MINDY2: variants seen among roughly 807,000 people sequenced by gnomAD.
MINDY2 encodes MINDY lysine 48 deubiquitinase 2, also known as ubiquitin carboxyl-terminal hydrolase MINDY-2.
Under a neutral mutation model 68.2 loss-of-function variants are expected in MINDY2, and 52 were observed. That is an observed-to-expected ratio of 0.76 (90% CI 0.61 to 0.96). The LOEUF (loss-of-function observed/expected upper bound fraction) is 0.96, where lower values mean the gene tolerates loss of function less well. MINDY2 is among the 40% of genes least tolerant of loss of function. The pLI is 0.00. For synonymous variants in MINDY2, 372 were observed against 303.0 expected (o/e 1.23, Z -2.36); for missense variants, 881 against 773.4 (o/e 1.14, Z -1.65).
At chr15:58,797,976 T>A in intron 2 of MINDY2, among the ~76,000 whole-genome samples, 1 of 152,220 alleles carries the variant, frequency 6.6e-6, no homozygotes, top group East Asian at 1.9e-4. Context: ...GTTAATGTGC[T>A]GTCTCCATCT....
chr15:58,825,093 A>T (rs2141006482), intron 5 of MINDY2, among the ~76,000 whole-genome samples: 1 of 152,334 alleles, frequency 6.6e-6, no homozygotes, highest in South Asian at 2.1e-4. Flanking sequence ...ACTTGTTTCT[A>T]ATCTTTATTA....
intron 7 of MINDY2, 136 bp from the exon 8 acceptor site, chr15:58,851,635 C>A: frequency 1.5e-6 from 1 of 649,730 alleles, no homozygotes; most frequent in Non-Finnish European, 2.5e-6. Flanking sequence ...GAGACAGGGT[C>A]TTGCTATATT....
At chr15:58,832,806 T>G (rs12594276) in intron 6 of MINDY2, among the ~76,000 whole-genome samples, 38,902 of 151,884 alleles carry the variant, frequency 0.26, 5,458 homozygotes, top group East Asian at 0.62. Context: ...GATTACAGGC[T>G]TGAGCCACCG....
intron 1 of MINDY2, among the ~76,000 whole-genome samples, chr15:58,784,173 A>C (rs989223152): frequency 6.6e-6 from 1 of 151,950 alleles, no homozygotes; most frequent in African/African-American, 2.4e-5. Context: ...AAAAAATACA[A>C]AAATTAGCCA....
intron 6 of MINDY2, among the ~76,000 whole-genome samples, chr15:58,843,765 C>T (rs1403987176): frequency 7.6e-6 from 1 of 131,454 alleles, no homozygotes; most frequent in African/African-American, 2.8e-5. Flanking sequence ...ACCTGGGAGG[C>T]GGAGTTTGCA....
intron 3 of MINDY2, among the ~76,000 whole-genome samples, chr15:58,807,353 CTT>C (rs58768604): frequency 6.9e-4 from 75 of 109,014 alleles, no homozygotes; most frequent in African/African-American, 1.2e-3. Context: ...TTAAAATAGT[CTT>C]TTTTTTTTTT....
In MINDY2 at chr15:58,831,015, T is replaced by TTGTGTG. The variant is rs369645565; in HGVS notation, c.1226-737_1226-732dup. Among the ~76,000 whole-genome samples, 137 of 133,744 alleles carry TTGTGTG rather than the reference T, an allele frequency of 1.0e-3. 1 individual carries two copies. Among genetic ancestry groups the TTGTGTG allele is most frequent in the Middle Eastern group, 7.3e-3 (2 of 274 alleles). 87.7% of individuals were successfully genotyped at this position (133,744 alleles called of 152,430 possible). A position where few individuals can be genotyped will look rare whatever the true frequency, so the allele number is the denominator to read the frequency against. On this transcript the variant is annotated intron_variant, in intron 5 of 8. Coordinates refer to ENST00000559228, the MANE Select transcript of MINDY2 (RefSeq NM_001040450.3). ...GATCGATTGTGTATATGAAGATCAG[T>TTGTGTG]TGTGTGTGTGTGTGTGTGTGTGTGT... is the stretch of plus-strand genomic sequence containing the variant.
At position 58,855,024 on chromosome 15, in the gene MINDY2, A is replaced by C. The variant is rs2033013628; in HGVS notation, c.*414A>C. 6.5e-6 allele frequency: 1 copy of C among 153,800 alleles called. No homozygotes were observed. The highest frequency in any genetic ancestry group is 1.5e-5 in the Non-Finnish European group (1 of 68,774). 9.5% of individuals were successfully genotyped at this position (153,800 alleles called of 1,614,324 possible). On this transcript the variant is annotated 3_prime_UTR_variant, in exon 9 of 9. Transcript: ENST00000559228. ...AAATATTAGCACAATAGTTTCTGAA[A>C]TTTTACAATGTTAAATTATGATCTA... is the stretch of plus-strand genomic sequence containing the variant.
At chr15:58,787,062 T>C (rs1359189181) in intron 1 of MINDY2, among the ~76,000 whole-genome samples, 3 of 151,226 alleles carry the variant, frequency 2.0e-5, no homozygotes, top group Admixed American at 2.0e-4. Flanking sequence ...ACTCCCAACC[T>C]CACGTGATCC....
chr15:58,810,627 A>AC (rs1201911676), intron 4 of MINDY2, among the ~76,000 whole-genome samples: 2 of 152,148 alleles, frequency 1.3e-5, no homozygotes, highest in Non-Finnish European at 2.9e-5. Flanking sequence ...CTCATAGAAG[A>AC]CCACCCGTAC....
Position 58,860,922 on chromosome 15 carries a change from A to C in MINDY2, c.*6312A>C, listed in dbSNP as rs1169330523. On this transcript the variant is annotated 3_prime_UTR_variant, in exon 9 of 9. Transcript: ENST00000559228. ...AGATGAGGTTTTGAAAAGCCCTCAG[A>C]GGTTTTTGTTAAAAGACTATCTTGC... The C allele has an allele frequency of 6.6e-6, 1 of 151,768 alleles. No individual in the cohort carries two copies. The highest frequency in any genetic ancestry group is 1.5e-5 in the Non-Finnish European group (1 of 67,920). 9.4% of individuals were successfully genotyped at this position (151,768 alleles called of 1,614,324 possible).
chr15:58,820,930 A>G (rs1315594439), intron 4 of MINDY2, among the ~76,000 whole-genome samples: 1 of 151,202 alleles, frequency 6.6e-6, no homozygotes, highest in Non-Finnish European at 1.5e-5. Context: ...ACAGCAATAC[A>G]CATAAATAAT....
rs2140875285 is a variant in MINDY2 at position 58,771,479 on chromosome 15, A to G, written c.84A>G (p.Glu28=). Residue 28 remains glutamate (E), a synonymous_variant, in exon 1 of 9, where the codon GAA becomes GAG. Coordinates refer to ENST00000559228, the MANE Select transcript of MINDY2 (RefSeq NM_001040450.3). The part of the protein sequence containing the change: ...GPASGTGSSQ[E]GLQETRLAAG... ...CGTCAGGGACAGGTTCTTCGCAGGA[A>G]GGGCTACAGGAGACCAGGCTCGCCG... 4 of 1,612,502 alleles carry G rather than the reference A, an allele frequency of 2.5e-6. No homozygotes were observed. The highest frequency in any genetic ancestry group is 3.4e-6 in the Non-Finnish European group (4 of 1,179,818).
At chr15:58,783,506 GCATATCACTCTTAGGATGTTTTA>G (rs1443730422) in intron 1 of MINDY2, among the ~76,000 whole-genome samples, 1 of 152,020 alleles carries the variant, frequency 6.6e-6, no homozygotes, top group African/African-American at 2.4e-5. Context: ...CAAAACCTTG[GCATATCACTCTTAGGATGTTTTA>G]CATTCCTGTT....
chr15:58,786,961 C>G (rs556807740), intron 1 of MINDY2, among the ~76,000 whole-genome samples: 1 of 152,116 alleles, frequency 6.6e-6, no homozygotes, highest in African/African-American at 2.4e-5. Context: ...TCCCAAGTAG[C>G]TGGGATTATA....
At chr15:58,774,670 A>C (rs748274253) in intron 1 of MINDY2, among the ~76,000 whole-genome samples, 1 of 152,116 alleles carries the variant, frequency 6.6e-6, no homozygotes, top group Non-Finnish European at 1.5e-5. Context: ...TTATCAAGGG[A>C]AGACTTCATA....
At chr15:58,846,518 A>G (rs2032543704) in intron 6 of MINDY2, among the ~76,000 whole-genome samples, 2 of 149,486 alleles carry the variant, frequency 1.3e-5, no homozygotes, top group Non-Finnish European at 1.5e-5. Flanking sequence ...GCTTGAACCC[A>G]GGAGGCGGAG....
At position 58,810,398 on chromosome 15, in the gene MINDY2, A is replaced by C; in HGVS notation, c.1122+10A>C. On this transcript the variant is annotated intron_variant, in intron 4 of 8. Coordinates refer to ENST00000559228, the MANE Select transcript of MINDY2 (RefSeq NM_001040450.3). ...GTTAGTAGACCCTCAGGTAAGTCGA[A>C]GAATTTAAATTATGTAAACACAAAT... The C allele has an allele frequency of 6.4e-7, 1 of 1,550,476 alleles. No homozygotes were observed. Among genetic ancestry groups the C allele is most frequent in the Non-Finnish European group, 8.7e-7 (1 of 1,148,896 alleles).
chr15:58,785,662 T>C (rs1901448905), intron 1 of MINDY2, among the ~76,000 whole-genome samples: 1 of 152,192 alleles, frequency 6.6e-6, no homozygotes, highest in South Asian at 2.1e-4. Flanking sequence ...ATCCTAAAAC[T>C]GCTTTAAAAA....
Sources: allele counts gnomAD v4.1 joint callset (sites outside exome capture counted in the v4.1 genomes callset), GRCh38; gene constraint gnomAD v4.1.1; transcripts MANE v1.5; gene names NCBI Gene and HGNC (gene_info 2026-07-23, HGNC 2026-07-21).